Variants in MYO5A observed in about 807,000 individuals in gnomAD.
The protein encoded by MYO5A is unconventional myosin-Va.
In MYO5A, 98 loss-of-function variants were observed where a neutral mutation model predicts 249.7. The observed-to-expected ratio is 0.39, with a 90% CI of 0.33 to 0.46. The LOEUF (loss-of-function observed/expected upper bound fraction) is 0.46. Among genes scored for constraint, MYO5A ranks in the 20% least tolerant of loss-of-function variants. MYO5A has a pLI of 0.98. For missense variants in MYO5A, 1,696 were observed against 2,308.8 expected (o/e 0.73, Z 5.44); for synonymous variants, 778 against 810.6 (o/e 0.96, Z 0.68).
At position 52,346,717 on chromosome 15, in the gene MYO5A, G is replaced by A. The variant is rs147625488; in HGVS notation, c.3859-256C>T. The A allele has an allele frequency of 1.0e-3, 570 of 544,162 alleles. 2 individuals carry two copies. The highest frequency in any genetic ancestry group is 8.2e-3 in the Admixed American group (347 of 42,160). The allele number at this position is 544,162 out of a possible 1,614,324, so 33.7% of individuals were successfully genotyped here. A position where few individuals can be genotyped will look rare whatever the true frequency, so the allele number is the denominator to read the frequency against. ...AGGTGGGAAGATTCTACAATGTCAC[G>A]GCCCTGTAAATAAAATCACTGATGG... On this transcript the variant is annotated intron_variant, in intron 29 of 41. Transcript: ENST00000399233.
chr15:52,467,423 A>G (rs2141435907), intron 1 of MYO5A, among the ~76,000 whole-genome samples: 1 of 152,330 alleles, frequency 6.6e-6, no homozygotes, highest in East Asian at 1.9e-4. Flanking sequence ...GACTAAGCAG[A>G]AAAAAAGAAT....
intron 1 of MYO5A, among the ~76,000 whole-genome samples, chr15:52,450,091 G>A (rs1258780687): frequency 1.3e-5 from 2 of 152,082 alleles, no homozygotes; most frequent in Admixed American, 1.3e-4. Flanking sequence ...AGGCTTAGGT[G>A]GGAGGATCAC....
intron 4 of MYO5A, among the ~76,000 whole-genome samples, chr15:52,418,505 T>A (rs1389777448): frequency 6.6e-6 from 1 of 151,900 alleles, no homozygotes; most frequent in East Asian, 1.9e-4. Context: ...ACTATGAAAG[T>A]AGAAAGGAAG....
At chr15:52,375,019 C>T (rs1468752253) in intron 20 of MYO5A, among the ~76,000 whole-genome samples, 1 of 152,038 alleles carries the variant, frequency 6.6e-6, no homozygotes, top group Non-Finnish European at 1.5e-5. Flanking sequence ...ATGGCTCATA[C>T]CTATAATCTC....
intron 14 of MYO5A, among the ~76,000 whole-genome samples, chr15:52,386,665 G>C (rs2141146133): frequency 6.6e-6 from 1 of 151,950 alleles, no homozygotes; most frequent in South Asian, 2.1e-4. Flanking sequence ...CTCCCACTCA[G>C]CTTCCCAAGT....
intron 1 of MYO5A, among the ~76,000 whole-genome samples, chr15:52,486,894 C>T (rs1306566753): frequency 6.6e-6 from 1 of 152,070 alleles, no homozygotes; most frequent in East Asian, 1.9e-4. Context: ...CATAGGCACA[C>T]GGGTGAAGGA....
intron 37 of MYO5A, among the ~76,000 whole-genome samples, chr15:52,322,047 A>C (rs1284848548): frequency 6.6e-6 from 1 of 152,164 alleles, no homozygotes; most frequent in Non-Finnish European, 1.5e-5. Flanking sequence ...TTAGAAGGGA[A>C]TCTTTGGTGG....
At chr15:52,515,759 G>C (rs906627672) in intron 1 of MYO5A, among the ~76,000 whole-genome samples, 1 of 152,142 alleles carries the variant, frequency 6.6e-6, no homozygotes, top group Admixed American at 6.5e-5. Flanking sequence ...AGAGCAAGCA[G>C]GCTGGAAACA....
intron 1 of MYO5A, among the ~76,000 whole-genome samples, chr15:52,500,836 T>A (rs2077140489): frequency 6.6e-6 from 1 of 152,092 alleles, no homozygotes; most frequent in Non-Finnish European, 1.5e-5. Flanking sequence ...TCATGCCTAA[T>A]CCAAGAGGCT....
chr15:52,389,390 GA>G (rs1408176130), intron 12 of MYO5A, 27 bp from the exon 13 acceptor site: 1 of 1,604,534 alleles, frequency 6.2e-7, no homozygotes, highest in Non-Finnish European at 8.5e-7. Flanking sequence ...AAGGAAGAAA[GA>G]AAACAAGGTA....
At chr15:52,357,882 G>T (rs2040326657) in intron 25 of MYO5A, among the ~76,000 whole-genome samples, 1 of 152,158 alleles carries the variant, frequency 6.6e-6, no homozygotes, top group Non-Finnish European at 1.5e-5. Context: ...AATAACACTA[G>T]TCTCTCATCT....
intron 1 of MYO5A, among the ~76,000 whole-genome samples, chr15:52,502,494 A>G (rs949940083): frequency 1.3e-5 from 2 of 152,192 alleles, no homozygotes; most frequent in African/African-American, 4.8e-5. Context: ...GACTTGCCAT[A>G]TTTACCTATA....
chr15:52,425,478 G>GCCTC (rs1271911449), intron 4 of MYO5A, among the ~76,000 whole-genome samples: 1 of 152,100 alleles, frequency 6.6e-6, no homozygotes, highest in Non-Finnish European at 1.5e-5. Context: ...TCCTGTCTCA[G>GCCTC]CCTCCCAAGT....
In MYO5A at chr15:52,351,383, T is replaced by C. The variant is rs776882656; in HGVS notation, c.3720A>G (p.Pro1240=). ...TGAGGACACGGTAGGCAGGTGCACC[T>C]GGGGCGGTCACCTCTGGGGCACTTT... ...SEKSAPEVTA[P]GAPAYRVLME... Residue 1240 remains proline (P), a synonymous_variant, in exon 28 of 42, where the codon CCA becomes CCG. Transcript: ENST00000399233. The C allele has an allele frequency of 1.2e-6, 2 of 1,614,016 alleles. No homozygotes were observed. The highest frequency in any genetic ancestry group is 1.6e-4 in the Middle Eastern group (1 of 6,084).
intron 1 of MYO5A, among the ~76,000 whole-genome samples, chr15:52,498,875 C>T (rs546274252): frequency 3.9e-5 from 6 of 152,086 alleles, no homozygotes; most frequent in Non-Finnish European, 8.8e-5. Flanking sequence ...GAATACTCAC[C>T]CATATTAACC....
intron 6 of MYO5A, among the ~76,000 whole-genome samples, chr15:52,409,976 T>G (rs1474463300): frequency 1.3e-5 from 2 of 152,170 alleles, no homozygotes; most frequent in Non-Finnish European, 2.9e-5. Context: ...TTTTTTTTCT[T>G]GCACTGAGTT....
At chr15:52,504,255 A>G (rs2077219825) in intron 1 of MYO5A, among the ~76,000 whole-genome samples, 1 of 151,962 alleles carries the variant, frequency 6.6e-6, no homozygotes, top group Non-Finnish European at 1.5e-5. Context: ...AGCTTCTCCC[A>G]TATTATTGAA....
chr15:52,433,713 C>T (rs547561429), intron 1 of MYO5A, among the ~76,000 whole-genome samples: 6 of 152,004 alleles, frequency 3.9e-5, no homozygotes, highest in Middle Eastern at 3.4e-3. Context: ...TGAGCCACCA[C>T]GTCCAGCTGA....
chr15:52,482,086 C>G (rs1222835852), intron 1 of MYO5A, among the ~76,000 whole-genome samples: 1 of 152,104 alleles, frequency 6.6e-6, no homozygotes, highest in African/African-American at 2.4e-5. Flanking sequence ...CTTGTGACCA[C>G]AAGAGAGAGA....
Sources: gnomAD v4.1 joint callset for allele counts (sites outside exome capture counted in the v4.1 genomes callset) on GRCh38, gnomAD v4.1.1 for gene constraint, MANE v1.5 for transcripts, NCBI Gene and HGNC (gene_info 2026-07-23, HGNC 2026-07-21) for gene names.